SCAPER: variants seen among roughly 807,000 people sequenced by gnomAD.
SCAPER encodes S-phase cyclin A associated protein in the ER, also known as S phase cyclin A-associated protein in the endoplasmic reticulum.
A neutral mutation model predicts 182.2 loss-of-function variants in SCAPER; 98 were observed. The observed-to-expected ratio is 0.54, with a 90% CI of 0.46 to 0.64. The LOEUF (loss-of-function observed/expected upper bound fraction) is 0.64. Ranked by LOEUF, SCAPER falls within the 30% of genes least tolerant of loss-of-function variation. SCAPER has a pLI of 0.00. For synonymous variants in SCAPER, 605 were observed against 564.6 expected (o/e 1.07, Z -1.01); for missense variants, 1,432 against 1,690.0 (o/e 0.85, Z 2.68).
chr15:76,552,116 T>C (rs1307444478), intron 23 of SCAPER, among the ~76,000 whole-genome samples: 1 of 151,918 alleles, frequency 6.6e-6, no homozygotes, highest in Non-Finnish European at 1.5e-5. Context: ...AGAGATCCTG[T>C]TTCTACAAAT....
intron 29 of SCAPER, among the ~76,000 whole-genome samples, chr15:76,367,582 T>A (rs1005349838): frequency 2.0e-5 from 3 of 152,134 alleles, no homozygotes; most frequent in African/African-American, 7.2e-5. Context: ...GGCTGCTGCC[T>A]ACCTCAGTTG....
At position 76,552,858 on chromosome 15, in the gene SCAPER, C is replaced by T. The variant is rs114255460; in HGVS notation, c.2838+21300G>A. Among the ~76,000 whole-genome samples, 912 of 152,248 alleles carry T rather than the reference C, an allele frequency of 6.0e-3. 4 individuals carry two copies. Among genetic ancestry groups the T allele is most frequent in the African/African-American group, 0.021 (874 of 41,548 alleles). On this transcript the variant is annotated intron_variant, in intron 23 of 31. Transcript: ENST00000563290. The stretch of plus-strand genomic sequence containing the variant: ...CCATGGTTAGTCCGATCATAGCGCT[C>T]GCACTACTTGCTAGACTCTCCAGGG...
rs765836900 is a variant in SCAPER, at chr15:76,771,940, T to C, written c.1050A>G (p.Thr350=). The change falls in exon 10 of 32, where the codon ACA becomes ACG. Residue 350 remains threonine, a synonymous_variant. Coordinates refer to ENST00000563290, the MANE Select transcript of SCAPER (RefSeq NM_020843.4). ...LAEKTQFTVS[T]LDDVKNSGSI... ...TGCCAGAATTCTTCACATCATCCAA[T>C]GTACTCACTGTGAACTAACAAAACG... The C allele has an allele frequency of 3.1e-6, 5 of 1,609,504 alleles. No individual in the cohort carries two copies. The highest frequency in any genetic ancestry group is 1.7e-5 in the Admixed American group (1 of 59,942).
At chr15:76,798,452 T>A in intron 7 of SCAPER, among the ~76,000 whole-genome samples, 1 of 150,136 alleles carries the variant, frequency 6.7e-6, no homozygotes, top group South Asian at 2.1e-4. Context: ...TACAGTGGAA[T>A]TTTCAAAGGA....
chr15:76,530,831 G>A (rs749169350), intron 23 of SCAPER, among the ~76,000 whole-genome samples: 1 of 151,992 alleles, frequency 6.6e-6, no homozygotes, highest in Non-Finnish European at 1.5e-5. Context: ...GAAGTACGTA[G>A]AGATTTTACA....
At chr15:76,563,078 C>T (rs893865900) in intron 23 of SCAPER, among the ~76,000 whole-genome samples, 1 of 152,004 alleles carries the variant, frequency 6.6e-6, no homozygotes, top group African/African-American at 2.4e-5. Context: ...AAAAGGAAGT[C>T]GCTTCTTAAA....
chr15:76,672,536 T>C (rs2057098586), intron 20 of SCAPER, among the ~76,000 whole-genome samples: 1 of 150,666 alleles, frequency 6.6e-6, no homozygotes, highest in African/African-American at 2.4e-5. Flanking sequence ...GTCTTAAAAC[T>C]CAAAAAAAGA....
Position 76,665,666 on chromosome 15 carries a change from G to C in SCAPER, c.2632C>G (p.Arg878Gly). The C allele has an allele frequency of 6.3e-7, 1 of 1,591,614 alleles. No homozygotes were observed. Among genetic ancestry groups the C allele is most frequent in the Non-Finnish European group, 8.5e-7 (1 of 1,171,438 alleles). ...TATTTAAGGTACCTGAAGTTCATCC[G>C]GGCTTTTATCTTTTTGGCTTTTTTT... ...NKKKAKKIKA[R>G]MNFRAKEYES... The change falls in exon 21 of 32, where the codon CGG becomes GGG. Residue 878 changes from arginine to glycine, a missense_variant. This residue lies in a region of SCAPER where 718 missense variants were observed against 799.7 expected (regional missense o/e 0.90). Coordinates refer to ENST00000563290, the MANE Select transcript of SCAPER (RefSeq NM_020843.4).
intron 22 of SCAPER, among the ~76,000 whole-genome samples, chr15:76,607,901 T>C (rs1326743213): frequency 1.3e-5 from 2 of 152,214 alleles, no homozygotes; most frequent in Non-Finnish European, 1.5e-5. Context: ...CACTGGTTAT[T>C]CTGGTTATCC....
intron 23 of SCAPER, among the ~76,000 whole-genome samples, chr15:76,568,163 C>T (rs1336084466): frequency 2.0e-5 from 3 of 146,956 alleles, no homozygotes; most frequent in Non-Finnish European, 4.4e-5. Flanking sequence ...TGTGCATAGA[C>T]AAGTACCTCA....
chr15:76,550,079 T>A (rs1462020240), intron 23 of SCAPER, among the ~76,000 whole-genome samples: 3 of 152,028 alleles, frequency 2.0e-5, no homozygotes, highest in African/African-American at 7.3e-5. Flanking sequence ...ATAACCAGAA[T>A]GTATAAGGAA....
At chr15:76,545,972 C>T (rs1204781699) in intron 23 of SCAPER, among the ~76,000 whole-genome samples, 2 of 152,086 alleles carry the variant, frequency 1.3e-5, no homozygotes, top group South Asian at 2.1e-4. Flanking sequence ...AGAGCTCACA[C>T]AGGGCAGGGA....
At chr15:76,573,358 C>A (rs1270276284) in intron 23 of SCAPER, among the ~76,000 whole-genome samples, 3 of 151,894 alleles carry the variant, frequency 2.0e-5, no homozygotes, top group Non-Finnish European at 4.4e-5. Context: ...ATTAATATTT[C>A]TTTTGTACAT....
intron 17 of SCAPER, among the ~76,000 whole-genome samples, chr15:76,716,097 A>G (rs761988882): frequency 6.6e-6 from 1 of 152,122 alleles, no homozygotes; most frequent in Non-Finnish European, 1.5e-5. Flanking sequence ...GGAAGACAAG[A>G]ACAGGAAGAC....
intron 5 of SCAPER, among the ~76,000 whole-genome samples, chr15:76,840,923 T>C (rs368956729): frequency 1.3e-5 from 2 of 152,162 alleles, no homozygotes; most frequent in African/African-American, 2.4e-5. Context: ...CCACCCAGGA[T>C]TGTTTATCGT....
Position 76,702,961 on chromosome 15 carries a change from T to G in SCAPER, c.2289A>C (p.Gln763His), listed in dbSNP as rs951469191. ...SIRRHMEQIE[Q>H]RKEKAAELSS... Reference sequence around the variant, plus strand: ...TTAGCTCAGCAGCTTTTTCTTTTCTTTGTTCAATCTGTTCCATGTGCCTTC... The same window carrying G: ...TTAGCTCAGCAGCTTTTTCTTTTCTGTGTTCAATCTGTTCCATGTGCCTTC... The change falls in exon 19 of 32, where the codon CAA becomes CAC. Residue 763 changes from glutamine to histidine, a missense_variant. This residue lies in a region of SCAPER where 718 missense variants were observed against 799.7 expected (regional missense o/e 0.90). Transcript: ENST00000563290. 6.2e-7 allele frequency: 1 copy of G among 1,608,502 alleles called. No homozygotes were observed. Among genetic ancestry groups the G allele is most frequent in the Non-Finnish European group, 8.5e-7 (1 of 1,178,118 alleles).
intron 15 of SCAPER, among the ~76,000 whole-genome samples, chr15:76,748,993 A>G (rs889194553): frequency 3.3e-5 from 5 of 152,092 alleles, no homozygotes; most frequent in African/African-American, 1.2e-4. Flanking sequence ...ATTGAAGATG[A>G]TAGAACCCTT....
chr15:76,407,097 G>A (rs2044903009), intron 26 of SCAPER, among the ~76,000 whole-genome samples: 1 of 152,190 alleles, frequency 6.6e-6, no homozygotes, highest in African/African-American at 2.4e-5. Context: ...AAACAAAGCT[G>A]TAATGGCATA....
chr15:76,350,427 C>T (rs965438245), intron 31 of SCAPER: 1 of 151,512 alleles, frequency 6.6e-6, no homozygotes, highest in African/African-American at 2.4e-5. Flanking sequence ...CCCACCCCCA[C>T]CAAGTAAGGG....
Sources: allele counts gnomAD v4.1 joint callset (sites outside exome capture counted in the v4.1 genomes callset), GRCh38; gene constraint gnomAD v4.1.1; regional missense constraint gnomAD v4.1.1; transcripts MANE v1.5; gene names NCBI Gene and HGNC (gene_info 2026-07-23, HGNC 2026-07-21).